Variants in CYFIP2 observed in about 807,000 individuals in gnomAD.
The protein encoded by CYFIP2 is cytoplasmic FMR1 interacting protein 2, also known as cytoplasmic FMR1-interacting protein 2.
Under a neutral mutation model 158.7 loss-of-function variants are expected in CYFIP2, and 29 were observed. The ratio of observed to expected loss-of-function variants is 0.18; its 90% CI spans 0.14 to 0.25. CYFIP2 has a LOEUF of 0.25. Among genes scored for constraint, CYFIP2 ranks in the 10% least tolerant of loss-of-function variants. The pLI, the probability that CYFIP2 is intolerant of heterozygous loss-of-function variation, is 1.00. For synonymous variants in CYFIP2, 585 were observed against 617.6 expected, an observed-to-expected ratio of 0.95 and a Z score of 0.78; for missense variants, 852 against 1,639.5, an observed-to-expected ratio of 0.52 and a Z score of 8.29.
At chr5:157,300,515 CG>C (rs1231042410) in intron 5 of CYFIP2, among the ~76,000 whole-genome samples, 199 bp from the exon 6 acceptor site, 2 of 138,776 alleles carry the variant, frequency 1.4e-5, no homozygotes, top group African/African-American at 5.5e-5. Context: ...AGCCTGGTGA[CG>C]AAGCAAGACT....
intron 5 of CYFIP2, among the ~76,000 whole-genome samples, chr5:157,297,902 G>T (rs1356301371): frequency 6.6e-6 from 1 of 152,222 alleles, no homozygotes; most frequent in Non-Finnish European, 1.5e-5. Context: ...GTGCAGAGTG[G>T]CCACGTGTGA....
chr5:157,339,928 G>A (rs1762124711), intron 22 of CYFIP2, among the ~76,000 whole-genome samples: 1 of 152,220 alleles, frequency 6.6e-6, no homozygotes, highest in African/African-American at 2.4e-5. Flanking sequence ...TACTCTACAG[G>A]CCAGGGCAGG....
Position 157,393,164 on chromosome 5 carries a change from C to T in CYFIP2, c.*164C>T, listed in dbSNP as rs2113572945. On this transcript the variant is annotated 3_prime_UTR_variant, in exon 31 of 31. Transcript: ENST00000620254. ...CTCCCTAGGGCGGGGCCTGTGCATG[C>T]TCTCCCATGACATCTCCATGCTGGT... 1.6e-6 allele frequency: 1 copy of T among 623,658 alleles called. No homozygotes were observed. Among genetic ancestry groups the T allele is most frequent in the Non-Finnish European group, 2.6e-6 (1 of 380,670 alleles). The allele number at this position is 623,658 out of a possible 1,614,324, so 38.6% of individuals were successfully genotyped here.
intron 21 of CYFIP2, among the ~76,000 whole-genome samples, chr5:157,334,263 G>A (rs537014593): frequency 2.6e-5 from 4 of 152,226 alleles, no homozygotes; most frequent in Non-Finnish European, 5.9e-5. Context: ...GGAAGAGGAA[G>A]ATGGTGTTTG....
chr5:157,349,060 C>CA (rs2113298233), intron 23 of CYFIP2, among the ~76,000 whole-genome samples: 1 of 152,204 alleles, frequency 6.6e-6, no homozygotes, highest in African/African-American at 2.4e-5. Context: ...GGACTACAGG[C>CA]ATTAGCCACC....
chr5:157,295,022 C>T (rs974837127), intron 4 of CYFIP2, among the ~76,000 whole-genome samples, 162 bp downstream of exon 4: 1 of 152,204 alleles, frequency 6.6e-6, no homozygotes, highest in Non-Finnish European at 1.5e-5. Flanking sequence ...GAGAGCTTCC[C>T]ATAAAAGTGA....
chr5:157,343,079 T>C, intron 23 of CYFIP2: 3 of 1,614,154 alleles, frequency 1.9e-6, no homozygotes, highest in Non-Finnish European at 2.5e-6. Context: ...ATTGGCCTCC[T>C]CCATGTGGCC....
At chr5:157,322,985 G>A in intron 15 of CYFIP2, 1 of 1,535,952 alleles carries the variant, frequency 6.5e-7, no homozygotes, top group Non-Finnish European at 8.7e-7. Context: ...CCCACTGGTG[G>A]CACACAGGGC....
At chr5:157,304,148 A>C in intron 7 of CYFIP2, 90 bp from the exon 8 acceptor site, 1 of 1,477,334 alleles carries the variant, frequency 6.8e-7, no homozygotes, top group Non-Finnish European at 9.1e-7. Flanking sequence ...AGCGGGGACC[A>C]CACCGGCCAG....
At position 157,315,023 on chromosome 5, in the gene CYFIP2, G is replaced by A; in HGVS notation, c.1285G>A (p.Gly429Ser). Residue 429 changes from glycine (G) to serine (S), a missense_variant, in exon 13 of 31, where the codon GGC becomes AGC. Coordinates refer to ENST00000620254, the MANE Select transcript of CYFIP2 (RefSeq NM_001037333.3). ...CAAGTTCTGCAACAAGGACTGTCCT[G>A]GCACCGCGGAGGAATATGAGAGAGC... is the stretch of plus-strand genomic sequence containing the variant. ...TDKFCNKDCP[G>S]TAEEYERATR... The A allele has an allele frequency of 9.3e-6, 15 of 1,607,804 alleles. No homozygotes were observed. Among genetic ancestry groups the A allele is most frequent in the Non-Finnish European group, 1.3e-5 (15 of 1,177,324 alleles).
rs539539131 is a variant in CYFIP2 at position 157,390,557 on chromosome 5, C to T, written c.3483C>T (p.Cys1161=). Reference sequence around the variant, plus strand: ...GCGATGGCTTGAACTGGGCTGGTTGCTCCATCATTGTCCTGCTGGGCCAGC... The same window carrying T: ...GCGATGGCTTGAACTGGGCTGGTTGTTCCATCATTGTCCTGCTGGGCCAGC... ...CFGDGLNWAG[C]SIIVLLGQQR... Residue 1161 remains cysteine, a synonymous_variant, in exon 30 of 31, where the codon TGC becomes TGT. Coordinates refer to ENST00000620254, the MANE Select transcript of CYFIP2 (RefSeq NM_001037333.3). 2.0e-4 allele frequency: 313 copies of T among 1,550,684 alleles called. 1 individual carries two copies. The highest frequency in any genetic ancestry group is 1.2e-5 in the Non-Finnish European group (14 of 1,146,950).
chr5:157,340,179 G>C, intron 22 of CYFIP2, among the ~76,000 whole-genome samples: 1 of 152,236 alleles, frequency 6.6e-6, no homozygotes, highest in East Asian at 1.9e-4. Context: ...TCATAACCCA[G>C]TGGAAGAGTA....
intron 20 of CYFIP2, among the ~76,000 whole-genome samples, chr5:157,333,001 A>C (rs1434261487): frequency 6.6e-6 from 1 of 152,108 alleles, no homozygotes. Flanking sequence ...GCAGGGTTTA[A>C]TTGGGTGAAA....
chr5:157,341,607 A>T (rs1762263303), intron 23 of CYFIP2: 1 of 160,494 alleles, frequency 6.2e-6, no homozygotes, highest in Middle Eastern at 3.1e-3. Context: ...CTGTGAGTAT[A>T]TGAATCTTTA....
intron 28 of CYFIP2, chr5:157,384,627 T>C: frequency 2.4e-6 from 1 of 409,160 alleles, no homozygotes; most frequent in South Asian, 1.7e-5. Context: ...CCAACCTCCT[T>C]CTGAAAATGG....
intron 26 of CYFIP2, among the ~76,000 whole-genome samples, chr5:157,379,492 A>C (rs1765823430): frequency 6.6e-6 from 1 of 151,660 alleles, no homozygotes; most frequent in South Asian, 2.1e-4. Context: ...TCCAACAAAA[A>C]AAAACTCCCA....
At chr5:157,376,041 A>G (rs933647709) in intron 26 of CYFIP2, 1 of 152,304 alleles carries the variant, frequency 6.6e-6, no homozygotes, top group East Asian at 1.9e-4. Flanking sequence ...CATATCAGCC[A>G]CCTCATTTTA....
At chr5:157,274,472 A>G (rs755812973) in intron 1 of CYFIP2, among the ~76,000 whole-genome samples, 1 of 152,194 alleles carries the variant, frequency 6.6e-6, no homozygotes, top group Non-Finnish European at 1.5e-5. Flanking sequence ...TTTTTTATTT[A>G]TCAGTTGATG....
At chr5:157,375,391 A>G (rs1765365564) in intron 26 of CYFIP2, among the ~76,000 whole-genome samples, 1 of 152,190 alleles carries the variant, frequency 6.6e-6, no homozygotes, top group African/African-American at 2.4e-5. Flanking sequence ...GGCCAAGGGG[A>G]AGGGCAGGGT....
Sources: allele counts gnomAD v4.1 joint callset (sites outside exome capture counted in the v4.1 genomes callset), GRCh38; gene constraint gnomAD v4.1.1; transcripts MANE v1.5; gene names NCBI Gene and HGNC (gene_info 2026-07-23, HGNC 2026-07-21).